Variants in AGBL4 observed in about 807,000 individuals in gnomAD.
AGBL4 encodes the protein AGBL carboxypeptidase 4, also known as cytosolic carboxypeptidase 6.
In AGBL4, 58 loss-of-function variants were observed where a neutral mutation model predicts 66.4. The ratio of observed to expected loss-of-function variants is 0.87; its 90% CI spans 0.71 to 1.09. The LOEUF (loss-of-function observed/expected upper bound fraction) is 1.09. AGBL4 is among the 50% of genes least tolerant of loss of function. The pLI is 0.00. For missense variants in AGBL4, 579 were observed against 631.0 expected (o/e 0.92, Z 0.88); for synonymous variants, 234 against 222.9 (o/e 1.05, Z -0.44).
chr1:49,485,636 TAA>T (rs201028308), intron 3 of AGBL4, among the ~76,000 whole-genome samples: 1 of 142,926 alleles, frequency 7.0e-6, no homozygotes, highest in South Asian at 2.2e-4. Context: ...CAGGTGAAAT[TAA>T]AAAAAAAAAG....
Position 49,487,510 on chromosome 1 carries a change from G to C in AGBL4, c.282+209803C>G, listed in dbSNP as rs539456731. Among the ~76,000 whole-genome samples, 70 of 151,980 alleles carry C rather than the reference G, an allele frequency of 4.6e-4. 1 individual carries two copies. The highest frequency in any genetic ancestry group is 1.2e-3 in the African/African-American group (49 of 41,506). On this transcript the variant is annotated intron_variant, in intron 3 of 13. Transcript: ENST00000371839. ...AGACAAGCTAGTGAGTGAGTTCTCA[G>C]GAGATTTGGTGGTTTTATATGTGTC...
At chr1:48,827,381 T>C (rs903917708) in intron 6 of AGBL4, among the ~76,000 whole-genome samples, 1 of 152,220 alleles carries the variant, frequency 6.6e-6, no homozygotes, top group African/African-American at 2.4e-5. Context: ...TTAACTCTTA[T>C]AATCCTGGCC....
chr1:49,620,067 A>G (rs1379877708), intron 3 of AGBL4, among the ~76,000 whole-genome samples: 1 of 152,204 alleles, frequency 6.6e-6, no homozygotes, highest in Non-Finnish European at 1.5e-5. Flanking sequence ...ATGGGCAAAG[A>G]CTTCATTACT....
intron 3 of AGBL4, among the ~76,000 whole-genome samples, chr1:49,497,294 T>A (rs1287312940): frequency 6.6e-6 from 1 of 152,060 alleles, no homozygotes; most frequent in Non-Finnish European, 1.5e-5. Flanking sequence ...AGGTTGAAGA[T>A]ATTTTCTCCC....
intron 4 of AGBL4, among the ~76,000 whole-genome samples, chr1:49,053,998 A>T (rs890845543): frequency 6.6e-6 from 1 of 152,276 alleles, no homozygotes; most frequent in South Asian, 2.1e-4. Context: ...GTAAAAGCAG[A>T]AGCATAGAAG....
At chr1:48,552,319 C>T (rs1217425681) in intron 11 of AGBL4, among the ~76,000 whole-genome samples, 1 of 152,166 alleles carries the variant, frequency 6.6e-6, no homozygotes. Flanking sequence ...GCCTCAGCTT[C>T]CCAAAGTGCT....
At chr1:49,028,989 A>T (rs1663968328) in intron 5 of AGBL4, among the ~76,000 whole-genome samples, 1 of 152,174 alleles carries the variant, frequency 6.6e-6, no homozygotes, top group Non-Finnish European at 1.5e-5. Context: ...GACACAGAAA[A>T]ATCATTTGAT....
chr1:48,603,412 G>A (rs909105666), intron 9 of AGBL4, among the ~76,000 whole-genome samples: 5 of 152,178 alleles, frequency 3.3e-5, no homozygotes, highest in African/African-American at 1.2e-4. Context: ...AAAGAATGCA[G>A]TGAGCCGAGA....
chr1:49,416,058 A>ATCAGCTT (rs1158824456), intron 3 of AGBL4, among the ~76,000 whole-genome samples: 3 of 152,108 alleles, frequency 2.0e-5, no homozygotes, highest in Admixed American at 2.0e-4. Flanking sequence ...TGTCAAAAAT[A>ATCAGCTT]TCAGCTTTCC....
chr1:49,120,503 A>G (rs1645630486), intron 4 of AGBL4, among the ~76,000 whole-genome samples: 1 of 152,180 alleles, frequency 6.6e-6, no homozygotes, highest in Non-Finnish European at 1.5e-5. Context: ...TCTTTTCTTC[A>G]AGAATGTTGA....
chr1:48,850,184 T>C (rs1264731440), intron 6 of AGBL4, among the ~76,000 whole-genome samples: 6 of 152,170 alleles, frequency 3.9e-5, no homozygotes, highest in Non-Finnish European at 8.8e-5. Flanking sequence ...TGGAGGATTT[T>C]ACCTATCAAT....
At chr1:49,611,469 G>A (rs942657362) in intron 3 of AGBL4, among the ~76,000 whole-genome samples, 2 of 147,728 alleles carry the variant, frequency 1.4e-5, no homozygotes, top group Non-Finnish European at 3.0e-5. Context: ...TCTGCCTCCT[G>A]GGTTCAAGCC....
intron 6 of AGBL4, among the ~76,000 whole-genome samples, chr1:48,837,633 T>G (rs1646705755): frequency 6.7e-6 from 1 of 149,284 alleles, no homozygotes; most frequent in Admixed American, 6.7e-5. Context: ...TGTGGGGCCT[T>G]GTGATTGTGT....
intron 3 of AGBL4, among the ~76,000 whole-genome samples, chr1:49,386,243 TA>T (rs1314125074): frequency 1.3e-5 from 2 of 149,572 alleles, no homozygotes; most frequent in African/African-American, 4.9e-5. Flanking sequence ...TGAATACATA[TA>T]TTTTTTGGAT....
intron 5 of AGBL4, among the ~76,000 whole-genome samples, chr1:48,939,237 C>T (rs868111989): frequency 4.6e-5 from 7 of 152,296 alleles, no homozygotes; most frequent in Middle Eastern, 3.4e-3. Flanking sequence ...TAACTATTTG[C>T]TAAAAGAATG....
intron 4 of AGBL4, among the ~76,000 whole-genome samples, chr1:49,083,595 A>G (rs920857421): frequency 2.0e-5 from 3 of 151,796 alleles, no homozygotes; most frequent in African/African-American, 4.8e-5. Flanking sequence ...CCACAAAACC[A>G]TTTTTTCCTT....
At chr1:49,810,298 G>T (rs1645069004) in intron 2 of AGBL4, among the ~76,000 whole-genome samples, 1 of 151,992 alleles carries the variant, frequency 6.6e-6, no homozygotes, top group South Asian at 2.1e-4. Context: ...CATCAGGGAA[G>T]TAAAAAGAGG....
At chr1:48,828,412 G>A (rs559806551) in intron 6 of AGBL4, among the ~76,000 whole-genome samples, 2 of 152,090 alleles carry the variant, frequency 1.3e-5, no homozygotes, top group Admixed American at 6.5e-5. Context: ...CTAGGATCCA[G>A]TGCCACCTGT....
intron 3 of AGBL4, among the ~76,000 whole-genome samples, chr1:49,357,825 G>T (rs1338214): frequency 0.69 from 105,122 of 152,092 alleles, 37,157 homozygotes; most frequent in African/African-American, 0.8. Context: ...CTGTGCAAAC[G>T]CCTATCTTTC....
Sources: allele counts gnomAD v4.1 joint callset (sites outside exome capture counted in the v4.1 genomes callset), GRCh38; gene constraint gnomAD v4.1.1; transcripts MANE v1.5; gene names NCBI Gene and HGNC (gene_info 2026-07-23, HGNC 2026-07-21).